Variants in MPPED2 observed in about 807,000 individuals in gnomAD.
MPPED2 encodes metallophosphoesterase domain containing 2.
In MPPED2, 5 loss-of-function variants were observed where a neutral mutation model predicts 33.0. That is an observed-to-expected ratio of 0.15 (90% CI 0.08 to 0.32). The LOEUF (loss-of-function observed/expected upper bound fraction) is 0.32, where lower values mean the gene tolerates loss of function less well. Ranked by LOEUF, MPPED2 falls within the 10% of genes least tolerant of loss-of-function variation. The probability of loss-of-function intolerance (pLI) is 1.00; values close to 1 mark genes in which losing one functional copy is unlikely to be tolerated. For synonymous variants in MPPED2, 136 were observed against 141.9 expected, an observed-to-expected ratio of 0.96 and a Z score of 0.29; for missense variants, 275 against 372.1, an observed-to-expected ratio of 0.74 and a Z score of 2.15.
chr11:30,463,578 C>T (rs572726999), intron 4 of MPPED2, among the ~76,000 whole-genome samples: 1 of 152,276 alleles, frequency 6.6e-6, no homozygotes, highest in Admixed American at 6.5e-5. Flanking sequence ...AAGTGGCTGG[C>T]CATCATTTTG....
chr11:30,433,129 C>T (rs776545938), intron 4 of MPPED2, among the ~76,000 whole-genome samples: 1 of 152,130 alleles, frequency 6.6e-6, no homozygotes, highest in African/African-American at 2.4e-5. Context: ...TAGTGTTTCT[C>T]ATACTATGAC....
chr11:30,406,349 A>C (rs1180823797), downstream of MPPED2, among the ~76,000 whole-genome samples: 2 of 152,166 alleles, frequency 1.3e-5, no homozygotes, highest in Non-Finnish European at 2.9e-5. Flanking sequence ...GGAATGTCCA[A>C]ATGCCAAAGT....
At chr11:30,564,987 G>T (rs1422780210) in intron 2 of MPPED2, among the ~76,000 whole-genome samples, 1 of 152,100 alleles carries the variant, frequency 6.6e-6, no homozygotes, top group Non-Finnish European at 1.5e-5. Context: ...GTAAGAGTGA[G>T]TTATATATGA....
chr11:30,528,265 T>G (rs1207652445), intron 3 of MPPED2, among the ~76,000 whole-genome samples: 1 of 151,338 alleles, frequency 6.6e-6, no homozygotes, highest in East Asian at 1.9e-4. Flanking sequence ...ATTTACTTTC[T>G]TTTTTTTTCA....
chr11:30,384,474 C>CTTTTTTTTTTTTT (rs200252636), downstream of MPPED2: 1 of 131,338 alleles, frequency 7.6e-6, no homozygotes, highest in African/African-American at 2.9e-5. Flanking sequence ...TTTCTTTTTT[C>CTTTTTTTTTTTTT]TTTTTTTTTT....
intron 4 of MPPED2, among the ~76,000 whole-genome samples, chr11:30,465,535 G>A (rs942222220): frequency 2.0e-4 from 31 of 152,270 alleles, no homozygotes; most frequent in African/African-American, 6.0e-4. Context: ...CAAACAATCC[G>A]CTCACCTGGG....
chr11:30,571,996 G>T lies in MPPED2; in HGVS notation c.128+8250C>A, dbSNP rs184295209. Among the ~76,000 whole-genome samples the T allele has an allele frequency of 4.1e-4, 63 of 152,278 alleles. 2 individuals are homozygous for T. The highest frequency in any genetic ancestry group is 2.7e-3 in the Admixed American group (41 of 15,294). On this transcript the variant is annotated intron_variant, in intron 2 of 6. Transcript: ENST00000358117. Reference sequence around the variant, plus strand: ...TTAGAGCAGGAGATAGATAGATTCAGTCTGTAAGGAGAGGTGATCTGATGG... The same window carrying T: ...TTAGAGCAGGAGATAGATAGATTCATTCTGTAAGGAGAGGTGATCTGATGG...
intron 3 of MPPED2, among the ~76,000 whole-genome samples, chr11:30,514,308 A>G (rs1284752235): frequency 6.6e-6 from 1 of 152,234 alleles, no homozygotes; most frequent in African/African-American, 2.4e-5. Context: ...ACCTATACAA[A>G]GAGACATACT....
At chr11:30,394,211 A>G (rs897481781) in intron 6 of MPPED2, among the ~76,000 whole-genome samples, 2 of 152,230 alleles carry the variant, frequency 1.3e-5, no homozygotes, top group African/African-American at 2.4e-5. Context: ...TTTGGTGATT[A>G]TAAGTAGAGA....
chr11:30,404,239 G>T (rs1947955043), intron 6 of MPPED2, among the ~76,000 whole-genome samples: 1 of 152,202 alleles, frequency 6.6e-6, no homozygotes, highest in Non-Finnish European at 1.5e-5. Context: ...TCTCCAGAGA[G>T]CTATTTTGGA....
At chr11:30,451,636 T>C (rs950966276) in intron 4 of MPPED2, 1 of 906,486 alleles carries the variant, frequency 1.1e-6, no homozygotes, top group South Asian at 5.1e-5. Context: ...ATTTTAATGA[T>C]AAAAGAAGCC....
chr11:30,510,182 C>T (rs1953075639), intron 3 of MPPED2, among the ~76,000 whole-genome samples: 1 of 152,094 alleles, frequency 6.6e-6, no homozygotes, highest in South Asian at 2.1e-4. Flanking sequence ...CCTGTACTAT[C>T]ACGGTTTAAG....
At chr11:30,513,376 G>A (rs76336816) in intron 3 of MPPED2, among the ~76,000 whole-genome samples, 2 of 152,244 alleles carry the variant, frequency 1.3e-5, no homozygotes, top group Non-Finnish European at 2.9e-5. Flanking sequence ...GTCTAGCCAG[G>A]GATTCTTGCT....
At chr11:30,431,155 C>A (rs939225425) in intron 4 of MPPED2, among the ~76,000 whole-genome samples, 6 of 152,022 alleles carry the variant, frequency 3.9e-5, no homozygotes, top group Non-Finnish European at 7.4e-5. Flanking sequence ...TTTTTTGCAG[C>A]GGGTTGGGGG....
chr11:30,438,389 T>C (rs1949416239), intron 4 of MPPED2, among the ~76,000 whole-genome samples: 1 of 152,208 alleles, frequency 6.6e-6, no homozygotes. Context: ...CTATGAAGAA[T>C]AGGAATAAGA....
chr11:30,557,545 CA>C (rs1483319958), intron 2 of MPPED2, among the ~76,000 whole-genome samples: 1 of 152,128 alleles, frequency 6.6e-6, no homozygotes, highest in African/African-American at 2.4e-5. Context: ...TGAGATTTAG[CA>C]CATGTCCATC....
At chr11:30,509,758 A>T (rs533880) in intron 3 of MPPED2, among the ~76,000 whole-genome samples, 30 of 152,128 alleles carry the variant, frequency 2.0e-4, no homozygotes, top group Non-Finnish European at 3.7e-4. Flanking sequence ...CAGGCTTACC[A>T]AAATTCCAAC....
chr11:30,522,167 GA>G (rs546593208), intron 3 of MPPED2, among the ~76,000 whole-genome samples: 198 of 149,604 alleles, frequency 1.3e-3, no homozygotes, highest in African/African-American at 4.6e-3. Flanking sequence ...GCCTGGAATA[GA>G]AAAAAAAATG....
intron 2 of MPPED2, among the ~76,000 whole-genome samples, chr11:30,579,160 T>C (rs1401945587): frequency 2.0e-5 from 3 of 151,824 alleles, no homozygotes; most frequent in African/African-American, 7.3e-5. Flanking sequence ...AAGACCCTTT[T>C]GTTTGGTTAG....
Sources: allele counts gnomAD v4.1 joint callset (sites outside exome capture counted in the v4.1 genomes callset), GRCh38; gene constraint gnomAD v4.1.1; transcripts MANE v1.5; gene names NCBI Gene and HGNC (gene_info 2026-07-23, HGNC 2026-07-21).